Variants in PIEZO2 observed in about 807,000 individuals in gnomAD.
PIEZO2 encodes the protein piezo-type mechanosensitive ion channel component 2.
PIEZO2 carries 172 observed loss-of-function variants against 337.3 expected under a neutral mutation model. That is an observed-to-expected ratio of 0.51 (90% CI 0.45 to 0.58). The LOEUF is 0.58. Ranked by LOEUF, PIEZO2 falls within the 20% of genes least tolerant of loss-of-function variation. PIEZO2 has a pLI of 0.00. For missense variants in PIEZO2, 3,028 were observed against 3,391.3 expected (o/e 0.89, Z 2.66); for synonymous variants, 1,251 against 1,228.5 (o/e 1.02, Z -0.38).
chr18:10,688,039 GTAGGTTTGTTACA>G (rs1268628134), intron 49 of PIEZO2, among the ~76,000 whole-genome samples: 1 of 152,162 alleles, frequency 6.6e-6, no homozygotes, highest in Non-Finnish European at 1.5e-5. Context: ...TGCAGAATGT[GTAGGTTTGTTACA>G]TAGGTATACA....
intron 28 of PIEZO2, among the ~76,000 whole-genome samples, chr18:10,752,100 C>T (rs1455994080): frequency 6.6e-6 from 1 of 152,202 alleles, no homozygotes; most frequent in Admixed American, 6.5e-5. Context: ...ATTTTCTCTT[C>T]TATCTACCCA....
In PIEZO2 at chr18:10,962,889, C is replaced by G. The variant is rs565519278; in HGVS notation, c.286+16646G>C. On this transcript the variant is annotated intron_variant, in intron 3 of 55. Coordinates refer to ENST00000674853, the MANE Select transcript of PIEZO2 (RefSeq NM_001378183.1). The surrounding 1 kb of genome is among the most constrained non-coding windows in gnomAD (Gnocchi z 4.1). ...TTCTAACAGCCCTGAAAGCTATATT[C>G]TGTCGTGAAATGCATACACCTCTAT... Among the ~76,000 whole-genome samples the G allele has an allele frequency of 1.3e-5, 2 of 152,252 alleles. No individual in the cohort carries two copies. Among genetic ancestry groups the G allele is most frequent in the Non-Finnish European group, 2.9e-5 (2 of 68,024 alleles).
intron 1 of PIEZO2, among the ~76,000 whole-genome samples, chr18:11,136,728 T>C (rs572239830): frequency 6.6e-6 from 1 of 152,190 alleles, no homozygotes; most frequent in Non-Finnish European, 1.5e-5. Context: ...AACACCTGCG[T>C]AGGGAGCCCC....
intron 2 of PIEZO2, among the ~76,000 whole-genome samples, chr18:10,986,799 T>C (rs916526529): frequency 1.3e-5 from 2 of 151,938 alleles, no homozygotes; most frequent in Non-Finnish European, 2.9e-5. Context: ...TTAGATAATA[T>C]AATATTATGT....
chr18:10,960,194 T>C (rs2033704965), intron 3 of PIEZO2, among the ~76,000 whole-genome samples: 1 of 152,182 alleles, frequency 6.6e-6, no homozygotes, highest in Admixed American at 6.5e-5. Flanking sequence ...GTATGTACTA[T>C]AATTATTAAT....
In PIEZO2 at chr18:11,028,598, T is replaced by C. The variant is rs2660258; in HGVS notation, c.160+37529A>G. ...TCTTATATGGTCATTGACACTGTCC[T>C]TCAGCTTTATCTGAACACCCCCATA... On this transcript the variant is annotated intron_variant, in intron 2 of 55. Transcript: ENST00000674853. The surrounding 1 kb of genome is among the most constrained non-coding windows in gnomAD (Gnocchi z 4.8). 0.24 allele frequency among the ~76,000 whole-genome samples: 37,103 copies of C among 152,092 alleles called. 4,685 individuals carry two copies. The highest frequency in any genetic ancestry group is 0.31 in the Middle Eastern group (91 of 294).
chr18:11,132,322 C>T lies in PIEZO2; in HGVS notation c.64+16203G>A, dbSNP rs1335608794. On this transcript the variant is annotated intron_variant, in intron 1 of 55. Transcript: ENST00000674853. This position sits in a 1 kb window ranked among gnomAD's most constrained non-coding sequence, Gnocchi z 4.7. ...AAAGAAGTGTGGCAGCAGGCTCATGCTCATGGAATCCAATGTGCTCTTACT... is the reference window on the plus strand; with the variant it reads ...AAAGAAGTGTGGCAGCAGGCTCATGTTCATGGAATCCAATGTGCTCTTACT... Among the ~76,000 whole-genome samples the T allele has an allele frequency of 1.3e-5, 2 of 152,174 alleles. No homozygotes were observed. Among genetic ancestry groups the T allele is most frequent in the African/African-American group, 2.4e-5 (1 of 41,446 alleles).
rs2041357658 is a variant in PIEZO2, at chr18:10,846,245, A to ATGTG, written c.917+9107_917+9108insCACA. Among the ~76,000 whole-genome samples the ATGTG allele has an allele frequency of 6.6e-6, 1 of 152,208 alleles. No individual in the cohort carries two copies. The highest frequency in any genetic ancestry group is 1.5e-5 in the Non-Finnish European group (1 of 68,038). On this transcript the variant is annotated intron_variant, in intron 7 of 55. Coordinates refer to ENST00000674853, the MANE Select transcript of PIEZO2 (RefSeq NM_001378183.1). The surrounding 1 kb of genome is among the most constrained non-coding windows in gnomAD (Gnocchi z 4.1). ...AGGAGGAGCAAGTCACATCTTACAC[A>ATGTG]GATGGCAGCAGGCAAAGAGAGAGCT...
At chr18:10,820,614 G>T (rs1568097821) in intron 7 of PIEZO2, among the ~76,000 whole-genome samples, 1 of 152,030 alleles carries the variant, frequency 6.6e-6, no homozygotes, top group African/African-American at 2.4e-5. Flanking sequence ...GTTTTAAGGA[G>T]GTTTCACTTA....
chr18:10,714,629 C>G (rs894866321), intron 39 of PIEZO2, 135 bp downstream of exon 39: 6 of 961,566 alleles, frequency 6.2e-6, no homozygotes, highest in Admixed American at 5.0e-5. Flanking sequence ...GTACAGATGG[C>G]GACAGCTGGA....
In PIEZO2 at chr18:11,093,576, CTTTTTTTTTTTTT is replaced by C. The variant is rs67441841; in HGVS notation, c.65-27367_65-27355del. On this transcript the variant is annotated intron_variant, in intron 1 of 55. Coordinates refer to ENST00000674853, the MANE Select transcript of PIEZO2 (RefSeq NM_001378183.1). ...GACATCCAGTCCATTCACTCAACAT[CTTTTTTTTTTTTT>C]TTTTTTTTTTTTTCTGAGACGGAGT... Among the ~76,000 whole-genome samples the C allele has an allele frequency of 8.9e-3, 504 of 56,692 alleles. 3 individuals are homozygous for C. The highest frequency in any genetic ancestry group is 0.031 in the African/African-American group (466 of 15,264). The allele number at this position is 56,692 out of a possible 152,430, so 37.2% of individuals were successfully genotyped here.
chr18:10,803,203 G>A (rs571658410), intron 9 of PIEZO2, among the ~76,000 whole-genome samples: 2 of 152,162 alleles, frequency 1.3e-5, no homozygotes, highest in South Asian at 2.1e-4. Flanking sequence ...TTGGTGAGTC[G>A]GAAACTGCTG....
At position 10,707,872 on chromosome 18, in the gene PIEZO2, A is replaced by G. The variant is rs2035651005; in HGVS notation, c.5588+403T>C. ...TTTAGATTTTTTTCCTACTGCATGC[A>G]TCTTTTGATTACATCAAGAGAAGAA... On this transcript the variant is annotated intron_variant, in intron 40 of 55. Coordinates refer to ENST00000674853, the MANE Select transcript of PIEZO2 (RefSeq NM_001378183.1). The surrounding 1 kb of genome is among the most constrained non-coding windows in gnomAD (Gnocchi z 4.2). Among the ~76,000 whole-genome samples, 1 of 152,212 alleles carries G rather than the reference A, an allele frequency of 6.6e-6. No homozygotes were observed. The highest frequency in any genetic ancestry group is 6.5e-5 in the Admixed American group (1 of 15,288).
chr18:10,697,276 A>T (rs1358753368), intron 45 of PIEZO2, among the ~76,000 whole-genome samples: 1 of 152,190 alleles, frequency 6.6e-6, no homozygotes, highest in Non-Finnish European at 1.5e-5. Context: ...TGGCAGTCCC[A>T]GTCCCATGCA....
At position 10,680,317 on chromosome 18, in the gene PIEZO2, G is replaced by C; in HGVS notation, c.7834C>G (p.Leu2612Val). 1 of 1,614,044 alleles carries C rather than the reference G, an allele frequency of 6.2e-7. No homozygotes were observed. The highest frequency in any genetic ancestry group is 8.5e-7 in the Non-Finnish European group (1 of 1,179,960). ...CACAAAGAATTTGAGTTTCCTTCCAGTTCTGCTACTGTTATGTCTTCTTTT... is the reference window on the plus strand; with the variant it reads ...CACAAAGAATTTGAGTTTCCTTCCACTTCTGCTACTGTTATGTCTTCTTTT... ...YEKEDITVAE[L>V]EGNSNSLWTI... The change falls in exon 52 of 56, where the codon CTG becomes GTG. Residue 2612 changes from leucine (L) to valine (V), a missense_variant. Coordinates refer to ENST00000674853, the MANE Select transcript of PIEZO2 (RefSeq NM_001378183.1).
At chr18:10,805,283 G>A (rs1481284536) in intron 8 of PIEZO2, among the ~76,000 whole-genome samples, 5 of 152,226 alleles carry the variant, frequency 3.3e-5, no homozygotes, top group Non-Finnish European at 5.9e-5. Context: ...GGAGGCCAAG[G>A]CGAGTGAATT....
chr18:10,707,148 C>T lies in PIEZO2; in HGVS notation c.5588+1127G>A, dbSNP rs537444960. Among the ~76,000 whole-genome samples the T allele has an allele frequency of 1.3e-5, 2 of 152,136 alleles. No homozygotes were observed. The highest frequency in any genetic ancestry group is 2.4e-5 in the African/African-American group (1 of 41,436). ...AAAACAGATTTTTGCTAAGACTTAC[C>T]TCAATTAGATATACTTCCTAGGAGG... On this transcript the variant is annotated intron_variant, in intron 40 of 55. Coordinates refer to ENST00000674853, the MANE Select transcript of PIEZO2 (RefSeq NM_001378183.1). The surrounding 1 kb of genome is among the most constrained non-coding windows in gnomAD (Gnocchi z 4.2).
chr18:11,081,563 A>T (rs1054041102), intron 1 of PIEZO2, among the ~76,000 whole-genome samples: 1 of 152,040 alleles, frequency 6.6e-6, no homozygotes, highest in Non-Finnish European at 1.5e-5. Flanking sequence ...GATTTCACTG[A>T]CCTCCTGAGC....
chr18:10,700,653 C>A (rs1381728490), intron 43 of PIEZO2, among the ~76,000 whole-genome samples: 1 of 151,994 alleles, frequency 6.6e-6, no homozygotes, highest in Non-Finnish European at 1.5e-5. Flanking sequence ...CAAGAGAATT[C>A]TGAAGTGATC....
Sources: gnomAD v4.1 joint callset for allele counts (sites outside exome capture counted in the v4.1 genomes callset) on GRCh38, gnomAD v4.1.1 for gene constraint, Gnocchi (gnomAD v3.1) non-coding constraint, MANE v1.5 for transcripts, NCBI Gene and HGNC (gene_info 2026-07-23, HGNC 2026-07-21) for gene names.